RUNX1: variants seen among roughly 807,000 people sequenced by gnomAD.
The protein encoded by RUNX1 is RUNX family transcription factor 1, also known as runt-related transcription factor 1.
Under a neutral mutation model 42.8 loss-of-function variants are expected in RUNX1, and 19 were observed. That is an observed-to-expected ratio of 0.44 (90% CI 0.31 to 0.65). RUNX1 has a LOEUF of 0.65. Ranked by LOEUF, RUNX1 falls within the 30% of genes least tolerant of loss-of-function variation. The probability of loss-of-function intolerance (pLI) is 0.07; values close to 1 mark genes in which losing one functional copy is unlikely to be tolerated. For missense variants in RUNX1, 528 were observed against 672.0 expected (o/e 0.79, Z 2.37); for synonymous variants, 271 against 289.4 (o/e 0.94, Z 0.64).
At chr21:34,879,248 T>C (rs1427241668) in intron 5 of RUNX1, among the ~76,000 whole-genome samples, 1 of 152,254 alleles carries the variant, frequency 6.6e-6, no homozygotes, top group Non-Finnish European at 1.5e-5. Context: ...TGCTTTTATA[T>C]CTTATAGCAT....
At chr21:34,985,337 C>A (rs1362858840) in intron 2 of RUNX1, among the ~76,000 whole-genome samples, 1 of 152,202 alleles carries the variant, frequency 6.6e-6, no homozygotes, top group Non-Finnish European at 1.5e-5. Context: ...CGGGGCAGAA[C>A]TAGGTTTGTC....
intron 5 of RUNX1, among the ~76,000 whole-genome samples, chr21:34,872,803 T>C (rs2057759068): frequency 1.3e-5 from 2 of 152,112 alleles, no homozygotes; most frequent in South Asian, 4.1e-4. Context: ...ACTTACTAGA[T>C]GCCACCGGCA....
chr21:34,876,117 G>A (rs143390288), intron 5 of RUNX1, among the ~76,000 whole-genome samples: 1,782 of 152,294 alleles, frequency 0.012, 36 homozygotes, highest in African/African-American at 0.04. Flanking sequence ...ATCCTGACAG[G>A]CCACAGAACA....
rs2057267663 is a variant in RUNX1 at position 34,843,238 on chromosome 21, GATACACACATATAA to G, written c.614-8651_614-8638del. On this transcript the variant is annotated intron_variant, in intron 6 of 8. Transcript: ENST00000675419. This position sits in a 1 kb window ranked among gnomAD's most constrained non-coding sequence, Gnocchi z 4.8. ...CACACAGATATAAAACACACATGGG[GATACACACATATAA>G]ATACACACAGACACATGTACATACG... 6.6e-6 allele frequency among the ~76,000 whole-genome samples: 1 copy of G among 151,768 alleles called. No homozygotes were observed. Among genetic ancestry groups the G allele is most frequent in the South Asian group, 2.1e-4 (1 of 4,784 alleles).
chr21:35,048,749 C>G (rs567481157), intron 2 of RUNX1, 93 bp downstream of exon 2: 1 of 1,040,014 alleles, frequency 9.6e-7, no homozygotes, highest in Non-Finnish European at 1.5e-6. Context: ...TGGCAGGCAC[C>G]GAGGCATCTC....
chr21:34,852,574 G>A (rs1339141605), intron 6 of RUNX1, among the ~76,000 whole-genome samples: 2 of 152,190 alleles, frequency 1.3e-5, no homozygotes, highest in Non-Finnish European at 1.5e-5. Context: ...GCTTAACACA[G>A]AAGGAATTAA....
intron 7 of RUNX1, among the ~76,000 whole-genome samples, chr21:34,800,119 G>C (rs1241448990): frequency 6.6e-6 from 1 of 152,160 alleles, no homozygotes; most frequent in Non-Finnish European, 1.5e-5. Flanking sequence ...TCAGGACTTC[G>C]AGTTTGCAAC....
At chr21:34,850,799 TA>T (rs113906073) in intron 6 of RUNX1, among the ~76,000 whole-genome samples, 20 of 148,880 alleles carry the variant, frequency 1.3e-4, no homozygotes, top group African/African-American at 2.5e-4. Context: ...TAATTAAATG[TA>T]AAAAAAAAAG....
At position 34,834,431 on chromosome 21, in the gene RUNX1, G is replaced by C; in HGVS notation, c.784C>G (p.Gln262Glu). 1 of 1,609,234 alleles carries C rather than the reference G, an allele frequency of 6.2e-7. No individual in the cohort carries two copies. The highest frequency in any genetic ancestry group is 8.5e-7 in the Non-Finnish European group (1 of 1,175,952). ...TTACCCTGCATCTGACTCTGAGGCT[G>C]AGGGTTAAAGGCAGTGGAGTGGTTC... ...SLNHSTAFNP[Q>E]PQSQMQDTRQ... Residue 262 changes from glutamine to glutamate, a missense_variant, in exon 7 of 9, where the codon CAG becomes GAG. This residue lies in a region of RUNX1 where 331 missense variants were observed against 382.5 expected (regional missense o/e 0.87). Coordinates refer to ENST00000675419, the MANE Select transcript of RUNX1 (RefSeq NM_001754.5).
intron 7 of RUNX1, among the ~76,000 whole-genome samples, chr21:34,813,376 C>T (rs776196342): frequency 2.6e-5 from 4 of 152,146 alleles, no homozygotes; most frequent in Non-Finnish European, 4.4e-5. Flanking sequence ...TCTAGAGGTG[C>T]TCTTCAGGAT....
chr21:34,791,934 G>A lies in RUNX1; in HGVS notation c.*201C>T. The A allele has an allele frequency of 2.9e-6, 1 of 346,448 alleles. No homozygotes were observed. The highest frequency in any genetic ancestry group is 5.4e-6 in the Non-Finnish European group (1 of 184,628). The allele number at this position is 346,448 out of a possible 1,614,324, so 21.5% of individuals were successfully genotyped here. Reference sequence around the variant, plus strand: ...GCGAGGGCCGGGGCGCCAGCAGACGGCGGCGGCGTGGGCTTCTGGGCGCAG... The same window carrying A: ...GCGAGGGCCGGGGCGCCAGCAGACGACGGCGGCGTGGGCTTCTGGGCGCAG... On this transcript the variant is annotated 3_prime_UTR_variant, in exon 9 of 9. Transcript: ENST00000675419.
Position 34,834,524 on chromosome 21 carries a change from G to C in RUNX1, c.691C>G (p.Leu231Val). 2 of 1,613,242 alleles carry C rather than the reference G, an allele frequency of 1.2e-6. No individual in the cohort carries two copies. Among genetic ancestry groups the C allele is most frequent in the Non-Finnish European group, 1.7e-6 (2 of 1,179,994 alleles). Residue 231 changes from leucine to valine, a missense_variant, in exon 7 of 9, where the codon CTG becomes GTG. Physicochemically the swap from Leu to Val is conservative, Grantham distance 32 (BLOSUM62 1). Coordinates refer to ENST00000675419, the MANE Select transcript of RUNX1 (RefSeq NM_001754.5). ...CTGACCCTCATGGCTGTGCGCCGCA[G>C]CTGCTCCAGTTCACTGAGCCGCTCG... Reference protein sequence around the residue: ...FSERLSELEQLRRTAMRVSPH... With the variant: ...FSERLSELEQVRRTAMRVSPH...
intron 2 of RUNX1, among the ~76,000 whole-genome samples, chr21:35,018,720 T>G (rs2059177236): frequency 6.6e-6 from 1 of 152,132 alleles, no homozygotes; most frequent in Non-Finnish European, 1.5e-5. Context: ...AAGGTGCCCC[T>G]TCCTCTACGC....
intron 7 of RUNX1, among the ~76,000 whole-genome samples, chr21:34,803,472 A>G (rs2056636343): frequency 6.6e-6 from 1 of 152,040 alleles, no homozygotes; most frequent in African/African-American, 2.4e-5. Context: ...GCATGAACCC[A>G]GGAGGTGGAG....
chr21:34,951,422 C>T (rs1299610780), intron 2 of RUNX1, among the ~76,000 whole-genome samples: 1 of 152,148 alleles, frequency 6.6e-6, no homozygotes, highest in South Asian at 2.1e-4. Flanking sequence ...GTGTTTTAGA[C>T]ATGAATCTTT....
intron 2 of RUNX1, among the ~76,000 whole-genome samples, chr21:34,920,625 C>A (rs2058346851): frequency 6.6e-6 from 1 of 152,156 alleles, no homozygotes. Flanking sequence ...CAGTTCCTTA[C>A]ATAAAACCTA....
At chr21:34,793,745 C>G (rs1466385088) in intron 8 of RUNX1, among the ~76,000 whole-genome samples, 1 of 151,640 alleles carries the variant, frequency 6.6e-6, no homozygotes, top group Admixed American at 6.6e-5. Flanking sequence ...GCTCTGTCAC[C>G]AAGGCTGGAG....
Position 34,890,439 on chromosome 21 carries a change from T to G in RUNX1, c.97+2486A>C, listed in dbSNP as rs913595606. Among the ~76,000 whole-genome samples the G allele has an allele frequency of 5.3e-5, 8 of 152,194 alleles. No homozygotes were observed. The East Asian group carries it at 1.2e-3, about 22-fold the overall frequency. The stretch of plus-strand genomic sequence containing the variant: ...GTCGCAGCCGGCCAGGTGGGGACTC[T>G]CGGACCAGGCCTCCCCGCTGTGCGG... On this transcript the variant is annotated intron_variant, in intron 3 of 8. Transcript: ENST00000675419.
intron 2 of RUNX1, among the ~76,000 whole-genome samples, chr21:34,953,058 C>T (rs181308144): frequency 6.6e-6 from 1 of 151,862 alleles, no homozygotes; most frequent in African/African-American, 2.4e-5. Context: ...GCACAAAGCA[C>T]AAAGGCACAA....
Sources: allele counts gnomAD v4.1 joint callset (sites outside exome capture counted in the v4.1 genomes callset), GRCh38; gene constraint gnomAD v4.1.1; regional missense constraint gnomAD v4.1.1; non-coding constraint Gnocchi (gnomAD v3.1); transcripts MANE v1.5; gene names NCBI Gene and HGNC (gene_info 2026-07-23, HGNC 2026-07-21).